AUTS2: variants seen among roughly 807,000 people sequenced by gnomAD.
AUTS2 encodes autism susceptibility gene 2 protein.
Under a neutral mutation model 112.4 loss-of-function variants are expected in AUTS2, and 17 were observed. The observed-to-expected ratio is 0.15, with a 90% CI of 0.10 to 0.23. The LOEUF (loss-of-function observed/expected upper bound fraction) is 0.23. Ranked by LOEUF, AUTS2 falls within the 10% of genes least tolerant of loss-of-function variation. The pLI, the probability that AUTS2 is intolerant of heterozygous loss-of-function variation, is 1.00. For missense variants in AUTS2, 1,510 were observed against 1,701.6 expected, an observed-to-expected ratio of 0.89 and a Z score of 1.98; for synonymous variants, 751 against 702.7, an observed-to-expected ratio of 1.07 and a Z score of -1.09.
intron 5 of AUTS2, among the ~76,000 whole-genome samples, chr7:70,520,173 G>A (rs188314834): frequency 6.6e-6 from 1 of 152,054 alleles, no homozygotes; most frequent in Non-Finnish European, 1.5e-5. Context: ...CAAATTCAAA[G>A]GAATGTTTTT....
chr7:70,635,525 C>T (rs774536600), intron 5 of AUTS2, among the ~76,000 whole-genome samples: 1 of 152,168 alleles, frequency 6.6e-6, no homozygotes, highest in Non-Finnish European at 1.5e-5. Context: ...CTAAGCTCTC[C>T]CTGAGCACCA....
intron 1 of AUTS2, among the ~76,000 whole-genome samples, chr7:69,769,543 G>C (rs1426537637): frequency 1.3e-5 from 2 of 152,188 alleles, no homozygotes; most frequent in Non-Finnish European, 2.9e-5. Context: ...GAAATAGCTA[G>C]CTATCCAACT....
At chr7:70,412,984 CAT>C (rs1441425805) in intron 4 of AUTS2, among the ~76,000 whole-genome samples, 2 of 152,118 alleles carry the variant, frequency 1.3e-5, no homozygotes, top group African/African-American at 4.8e-5. Flanking sequence ...AGTGAGACTC[CAT>C]CCCAAAAAAT....
At chr7:70,097,335 C>T (rs921504504) in intron 2 of AUTS2, among the ~76,000 whole-genome samples, 2 of 152,128 alleles carry the variant, frequency 1.3e-5, no homozygotes, top group Non-Finnish European at 2.9e-5. Flanking sequence ...CTATATAGAT[C>T]ATTCTGCTCT....
intron 4 of AUTS2, among the ~76,000 whole-genome samples, chr7:70,413,513 A>G (rs1343959637): frequency 6.6e-6 from 1 of 152,204 alleles, no homozygotes. Flanking sequence ...CATTTGACAA[A>G]GAACCTGGGT....
intron 1 of AUTS2, among the ~76,000 whole-genome samples, chr7:69,627,486 C>T (rs147380887): frequency 7.1e-4 from 108 of 151,508 alleles, no homozygotes; most frequent in Non-Finnish European, 1.2e-3. Context: ...AGTGAAACGC[C>T]GTCTCAAAAA....
chr7:70,208,030 A>C (rs1191674692), intron 4 of AUTS2, among the ~76,000 whole-genome samples: 1 of 151,174 alleles, frequency 6.6e-6, no homozygotes, highest in Non-Finnish European at 1.5e-5. Flanking sequence ...AAAAAAAAAA[A>C]AAAACCAACA....
At chr7:70,283,927 GAC>G (rs1788339244) in intron 4 of AUTS2, among the ~76,000 whole-genome samples, 1 of 152,082 alleles carries the variant, frequency 6.6e-6, no homozygotes. Flanking sequence ...ACTTTTCAAA[GAC>G]AAAATCAGAT....
chr7:69,626,204 T>C (rs1021041309), intron 1 of AUTS2, among the ~76,000 whole-genome samples: 4 of 152,202 alleles, frequency 2.6e-5, no homozygotes, highest in Non-Finnish European at 5.9e-5. Flanking sequence ...TTAGTGTGTG[T>C]GTCTTCCAAC....
intron 4 of AUTS2, among the ~76,000 whole-genome samples, chr7:70,294,481 C>A (rs1788844081): frequency 6.6e-6 from 1 of 152,100 alleles, no homozygotes; most frequent in African/African-American, 2.4e-5. Context: ...GTAGGCTTTG[C>A]ACAGATTAGG....
chr7:69,674,135 A>G (rs951673104), intron 1 of AUTS2, among the ~76,000 whole-genome samples: 4 of 152,230 alleles, frequency 2.6e-5, no homozygotes, highest in African/African-American at 4.8e-5. Context: ...GTCTGGGACA[A>G]GCCTGAAAAG....
At chr7:69,879,994 C>G (rs1793972882) in intron 1 of AUTS2, among the ~76,000 whole-genome samples, 1 of 152,152 alleles carries the variant, frequency 6.6e-6, no homozygotes, top group South Asian at 2.1e-4. Flanking sequence ...CATTCTTGCA[C>G]TGCTACAAAG....
At position 70,698,473 on chromosome 7, in the gene AUTS2, A is replaced by G. The variant is rs1398252294; in HGVS notation, c.691-96A>G. 2.7e-6 allele frequency: 3 copies of G among 1,110,432 alleles called. No individual in the cohort carries two copies. The East Asian group carries it at 7.3e-5, about 27-fold the overall frequency. The allele number at this position is 1,110,432 out of a possible 1,614,324, so 68.8% of individuals were successfully genotyped here. A position where few individuals can be genotyped will look rare whatever the true frequency, so the allele number is the denominator to read the frequency against. On this transcript the variant is annotated intron_variant, in intron 5 of 18. Transcript: ENST00000342771. ...GCTGCTTCCCTGCTAGGCTTTCGTA[A>G]AATGTAGTCAACTGATTTAAAATAA...
intron 5 of AUTS2, among the ~76,000 whole-genome samples, chr7:70,565,874 A>G (rs556087165): frequency 4.7e-4 from 71 of 152,344 alleles, no homozygotes; most frequent in Non-Finnish European, 8.1e-4. Flanking sequence ...TTAGAATACA[A>G]TAGACAAGCA....
Position 70,182,413 on chromosome 7 carries a change from T to C in AUTS2, c.660+47842T>C, listed in dbSNP as rs576956188. Among the ~76,000 whole-genome samples the C allele has an allele frequency of 1.1e-4, 16 of 152,344 alleles. No homozygotes were observed. In the South Asian group the frequency reaches 3.1e-3, roughly 30 times the overall value. ...ATAGTTTATTATTCCTCTTATACCC[T>C]TCGTCTAAGTGTTTATTGCAGATAG... On this transcript the variant is annotated intron_variant, in intron 4 of 18. Coordinates refer to ENST00000342771, the MANE Select transcript of AUTS2 (RefSeq NM_015570.4).
At chr7:70,716,636 CAAAAAAAAAAAAAAA>C (rs34972760) in intron 6 of AUTS2, among the ~76,000 whole-genome samples, 10 of 64,938 alleles carry the variant, frequency 1.5e-4, no homozygotes, top group African/African-American at 4.6e-4. Context: ...GACTCCGTCT[CAAAAAAAAAAAAAAA>C]AAAAAAAAAA....
At chr7:69,623,709 A>G (rs2851490) in intron 1 of AUTS2, among the ~76,000 whole-genome samples, 93,452 of 151,858 alleles carry the variant, frequency 0.62, 29,075 homozygotes, top group East Asian at 0.7. Flanking sequence ...AAAAGAAAAC[A>G]TTCCTGTGTA....
intron 2 of AUTS2, among the ~76,000 whole-genome samples, chr7:70,045,131 A>G (rs749658824): frequency 1.3e-5 from 2 of 152,198 alleles, no homozygotes; most frequent in African/African-American, 4.8e-5. Context: ...AAGGTATTAC[A>G]TAGATGTGAT....
intron 13 of AUTS2, chr7:70,776,529 C>T (rs949459092): frequency 6.4e-6 from 1 of 155,242 alleles, no homozygotes; most frequent in Non-Finnish European, 1.4e-5. Context: ...CAGCGCCCAC[C>T]AACACGAATG....
Sources: allele counts gnomAD v4.1 joint callset (sites outside exome capture counted in the v4.1 genomes callset), GRCh38; gene constraint gnomAD v4.1.1; transcripts MANE v1.5; gene names NCBI Gene and HGNC (gene_info 2026-07-23, HGNC 2026-07-21).